CBFA2T2: variants seen among roughly 807,000 people sequenced by gnomAD.
CBFA2T2 encodes the protein CBFA2/RUNX1 partner transcriptional co-repressor 2.
A neutral mutation model predicts 62.2 loss-of-function variants in CBFA2T2; 11 were observed. The ratio of observed to expected loss-of-function variants is 0.18; its 90% CI spans 0.11 to 0.29. The LOEUF is 0.29. Among genes scored for constraint, CBFA2T2 ranks in the 10% least tolerant of loss-of-function variants. The pLI is 1.00. For missense variants in CBFA2T2, 592 were observed against 774.1 expected, an observed-to-expected ratio of 0.76 and a Z score of 2.79; for synonymous variants, 295 against 287.5, an observed-to-expected ratio of 1.03 and a Z score of -0.27.
intron 1 of CBFA2T2, among the ~76,000 whole-genome samples, chr20:33,514,516 T>C (rs1377519328): frequency 1.3e-5 from 2 of 151,992 alleles, no homozygotes; most frequent in African/African-American, 4.8e-5. Context: ...GAGGCTAGCA[T>C]GGCTGGAGCA....
chr20:33,505,296 A>G (rs1431162658), intron 1 of CBFA2T2, among the ~76,000 whole-genome samples: 1 of 152,196 alleles, frequency 6.6e-6, no homozygotes, highest in Non-Finnish European at 1.5e-5. Flanking sequence ...TGAACAATTC[A>G]TATTTGAATT....
chr20:33,635,985 C>T (rs1239893932), intron 8 of CBFA2T2, among the ~76,000 whole-genome samples: 3 of 152,076 alleles, frequency 2.0e-5, no homozygotes, highest in Admixed American at 2.0e-4. Flanking sequence ...TTTCTATGTA[C>T]ATATTTAAAG....
rs2012436352 is a variant in CBFA2T2 at position 33,542,632 on chromosome 20, T to C, written c.34+52331T>C. ...ACTCTACAGAAATTGCTATATTCAG[T>C]CTTTGTAGGAACTAACAGAAGAAGT... is the stretch of plus-strand genomic sequence containing the variant. On this transcript the variant is annotated intron_variant, in intron 1 of 10. Coordinates refer to ENST00000342704, the MANE Select transcript of CBFA2T2 (RefSeq NM_001032999.3). Among the ~76,000 whole-genome samples the C allele has an allele frequency of 2.6e-5, 4 of 152,176 alleles. No homozygotes were observed. The South Asian group carries it at 8.3e-4, about 32-fold the overall frequency.
chr20:33,595,173 G>A (rs146188227), intron 1 of CBFA2T2, among the ~76,000 whole-genome samples: 210 of 152,296 alleles, frequency 1.4e-3, no homozygotes, highest in African/African-American at 4.8e-3. Context: ...GATTCTTAAT[G>A]CATTTCTGGT....
At chr20:33,614,955 TG>T (rs1277749005) in intron 3 of CBFA2T2, among the ~76,000 whole-genome samples, 3 of 152,360 alleles carry the variant, frequency 2.0e-5, no homozygotes, top group African/African-American at 7.2e-5. Flanking sequence ...AGGCCTACTA[TG>T]TTAACTCTTT....
At chr20:33,613,363 T>C (rs1268406228) in intron 3 of CBFA2T2, among the ~76,000 whole-genome samples, 1 of 152,200 alleles carries the variant, frequency 6.6e-6, no homozygotes, top group African/African-American at 2.4e-5. Flanking sequence ...TGACATACAG[T>C]TGTGCTCACA....
intron 1 of CBFA2T2, among the ~76,000 whole-genome samples, chr20:33,547,667 C>T (rs928042881): frequency 7.1e-6 from 1 of 140,742 alleles, no homozygotes; most frequent in Admixed American, 7.1e-5. Flanking sequence ...GGCAACAGAG[C>T]GAGACCCTGT....
At chr20:33,557,832 CT>C (rs60733174) in intron 1 of CBFA2T2, among the ~76,000 whole-genome samples, 142 of 145,268 alleles carry the variant, frequency 9.8e-4, no homozygotes, top group Middle Eastern at 3.6e-3. Flanking sequence ...ATTTCTCTCT[CT>C]TTTTTTTTTT....
chr20:33,584,304 C>T (rs2014263537), intron 1 of CBFA2T2, among the ~76,000 whole-genome samples: 1 of 140,536 alleles, frequency 7.1e-6, no homozygotes, highest in African/African-American at 2.7e-5. Flanking sequence ...CTCACTCTGT[C>T]GCCCAGGCTG....
At chr20:33,610,284 G>T (rs1240670881) in intron 2 of CBFA2T2, among the ~76,000 whole-genome samples, 1 of 152,176 alleles carries the variant, frequency 6.6e-6, no homozygotes, top group Admixed American at 6.5e-5. Context: ...CTCCAGCTTG[G>T]ATGACAGAAT....
rs147947935 is a variant in CBFA2T2, at chr20:33,595,575, C to T, written c.35-11381C>T. ...TTTTTTAATTTATTTTTTTTGAGAG[C>T]GGGCCTTGCTCTGTCACCCAGGCTG... On this transcript the variant is annotated intron_variant, in intron 1 of 10. Coordinates refer to ENST00000342704, the MANE Select transcript of CBFA2T2 (RefSeq NM_001032999.3). 5.1e-3 allele frequency among the ~76,000 whole-genome samples: 771 copies of T among 150,176 alleles called. 4 individuals are homozygous for T. The highest frequency in any genetic ancestry group is 0.018 in the African/African-American group (722 of 40,834).
intron 1 of CBFA2T2, among the ~76,000 whole-genome samples, chr20:33,600,185 T>TG (rs2015065899): frequency 9.2e-6 from 1 of 109,116 alleles, no homozygotes; most frequent in African/African-American, 3.2e-5. Context: ...TTGGAAAGTT[T>TG]TTTTTTTTTT....
intron 1 of CBFA2T2, among the ~76,000 whole-genome samples, chr20:33,591,816 G>T (rs1473563647): frequency 8.4e-6 from 1 of 119,540 alleles, no homozygotes; most frequent in African/African-American, 3.2e-5. Flanking sequence ...ACTTTCCCAA[G>T]TCCATTCTCA....
At chr20:33,536,578 C>T (rs1470177315) in intron 1 of CBFA2T2, among the ~76,000 whole-genome samples, 4 of 149,482 alleles carry the variant, frequency 2.7e-5, no homozygotes, top group Non-Finnish European at 5.9e-5. Flanking sequence ...ACTTCTCAGA[C>T]GGGGCGGCTG....
chr20:33,513,745 A>G (rs2011548851), intron 1 of CBFA2T2, among the ~76,000 whole-genome samples: 1 of 147,356 alleles, frequency 6.8e-6, no homozygotes, highest in African/African-American at 2.5e-5. Context: ...ACCCGGGAGG[A>G]AGAGATTGCA....
rs181283362 is a variant in CBFA2T2 at position 33,608,558 on chromosome 20, T to C, written c.178+1459T>C. Among the ~76,000 whole-genome samples, 21 of 152,356 alleles carry C rather than the reference T, an allele frequency of 1.4e-4. No individual in the cohort carries two copies. In the East Asian group the frequency reaches 4.0e-3, roughly 29 times the overall value. ...CCAGAGTGAATGAAAAGAAGTGTGA[T>C]ATCCCTTTTCTTAAATTCTAATTTC... On this transcript the variant is annotated intron_variant, in intron 2 of 10. Coordinates refer to ENST00000342704, the MANE Select transcript of CBFA2T2 (RefSeq NM_001032999.3).
chr20:33,589,165 G>C (rs558510204), intron 1 of CBFA2T2, among the ~76,000 whole-genome samples: 1 of 152,226 alleles, frequency 6.6e-6, no homozygotes, highest in Non-Finnish European at 1.5e-5. Context: ...AAGAACAGCA[G>C]AGGACAGTTG....
chr20:33,510,298 C>T (rs1181840534), intron 1 of CBFA2T2, among the ~76,000 whole-genome samples: 1 of 151,614 alleles, frequency 6.6e-6, no homozygotes. Context: ...GCAAGCTCCA[C>T]CTCCCGGGTT....
intron 1 of CBFA2T2, among the ~76,000 whole-genome samples, chr20:33,558,817 A>G (rs1011699701): frequency 6.7e-6 from 1 of 149,338 alleles, no homozygotes; most frequent in Non-Finnish European, 1.5e-5. Context: ...TTTTTCGCCA[A>G]CTGTTTGGGG....
Sources: allele counts gnomAD v4.1 joint callset (sites outside exome capture counted in the v4.1 genomes callset), GRCh38; gene constraint gnomAD v4.1.1; transcripts MANE v1.5; gene names NCBI Gene and HGNC (gene_info 2026-07-23, HGNC 2026-07-21).